PRNP: variants seen among roughly 807,000 people sequenced by gnomAD.
PRNP encodes major prion protein.
PRNP carries 15 observed loss-of-function variants against 21.3 expected under a neutral mutation model. The observed-to-expected ratio is 0.71, with a 90% CI of 0.47 to 1.09. The LOEUF (loss-of-function observed/expected upper bound fraction) is 1.09. Among genes scored for constraint, PRNP ranks in the 50% least tolerant of loss-of-function variants. The pLI is 0.00. For synonymous variants in PRNP, 121 were observed against 123.1 expected, an observed-to-expected ratio of 0.98 and a Z score of 0.11; for missense variants, 285 against 340.9, an observed-to-expected ratio of 0.84 and a Z score of 1.29.
At chr20:4,692,923 C>T (rs1921923455) in intron 1 of PRNP, among the ~76,000 whole-genome samples, 1 of 152,180 alleles carries the variant, frequency 6.6e-6, no homozygotes. Context: ...CTAAACACTA[C>T]ATCTCAGGTG....
At chr20:4,698,171 G>A (rs1922291177) in intron 1 of PRNP, among the ~76,000 whole-genome samples, 1 of 152,080 alleles carries the variant, frequency 6.6e-6, no homozygotes, top group Non-Finnish European at 1.5e-5. Flanking sequence ...CCACCTAAAA[G>A]AGCCTCCAAA....
At chr20:4,696,411 C>A (rs1922171180) in intron 1 of PRNP, among the ~76,000 whole-genome samples, 1 of 152,174 alleles carries the variant, frequency 6.6e-6, no homozygotes, top group Non-Finnish European at 1.5e-5. Context: ...TCTGTATTTT[C>A]TTCTGGTCAG....
In PRNP at chr20:4,699,585, T is replaced by G. The variant is rs752571244; in HGVS notation, c.365T>G (p.Val122Gly). The stretch of plus-strand genomic sequence containing the variant: ...GGTGCTGCAGCAGCTGGGGCAGTGG[T>G]GGGGGGCCTTGGCGGCTACATGCTG... ...MAGAAAAGAV[V>G]GGLGGYMLGS... Residue 122 changes from valine to glycine, a missense_variant, in exon 2 of 2, where the codon GTG becomes GGG. By Grantham distance (109) the Val-to-Gly change is moderately radical. Transcript: ENST00000379440. This position sits in a 1 kb window ranked among gnomAD's most constrained non-coding sequence, Gnocchi z 5.8. 5.0e-6 allele frequency: 8 copies of G among 1,613,152 alleles called. No homozygotes were observed. The East Asian group carries it at 6.7e-5, about 13-fold the overall frequency.
At chr20:4,693,410 A>G (rs1425731071) in intron 1 of PRNP, among the ~76,000 whole-genome samples, 1 of 152,114 alleles carries the variant, frequency 6.6e-6, no homozygotes, top group East Asian at 1.9e-4. Context: ...GGCTCAAGCA[A>G]TCCTCCTGCC....
chr20:4,688,709 C>G lies in PRNP; in HGVS notation c.-11+2197C>G, dbSNP rs79688959. ...ACCACTAAAAATCATGATTTTGGAGCCTGTGATATGTGGGGAAAAACTGAC... is the reference window on the plus strand; with the variant it reads ...ACCACTAAAAATCATGATTTTGGAGGCTGTGATATGTGGGGAAAAACTGAC... On this transcript the variant is annotated intron_variant, in intron 1 of 1. Coordinates refer to ENST00000379440, the MANE Select transcript of PRNP (RefSeq NM_000311.5). Among the ~76,000 whole-genome samples the G allele has an allele frequency of 6.6e-4, 100 of 152,200 alleles. No homozygotes were observed. The East Asian group carries it at 0.013, about 20-fold the overall frequency.
intron 1 of PRNP, among the ~76,000 whole-genome samples, chr20:4,687,036 G>A (rs1921491101): frequency 6.6e-6 from 1 of 152,000 alleles, no homozygotes; most frequent in African/African-American, 2.4e-5. Context: ...CTTCCGCGAT[G>A]CCCAGAGGGT....
chr20:4,688,032 G>A (rs1354864982), intron 1 of PRNP, among the ~76,000 whole-genome samples: 1 of 152,014 alleles, frequency 6.6e-6, no homozygotes, highest in African/African-American at 2.4e-5. Context: ...ACCAGTAAGG[G>A]GAAAAGCAGG....
intron 1 of PRNP, among the ~76,000 whole-genome samples, chr20:4,695,644 G>A (rs1042807951): frequency 3.3e-5 from 5 of 152,228 alleles, no homozygotes; most frequent in Middle Eastern, 3.4e-3. Context: ...TTGCTGAGTC[G>A]AATGATATTT....
At chr20:4,694,390 A>G (rs1786622508) in intron 1 of PRNP, among the ~76,000 whole-genome samples, 1 of 152,182 alleles carries the variant, frequency 6.6e-6, no homozygotes, top group Non-Finnish European at 1.5e-5. Context: ...TATTCCATAA[A>G]TATTTCTTAA....
At chr20:4,696,351 T>A (rs1358909486) in intron 1 of PRNP, among the ~76,000 whole-genome samples, 2 of 152,224 alleles carry the variant, frequency 1.3e-5, no homozygotes, top group Non-Finnish European at 2.9e-5. Flanking sequence ...AGTCTTTTCT[T>A]AGTTAAGTCA....
rs150351644 is a variant in PRNP at position 4,699,644 on chromosome 20, G to T, written c.424G>T (p.Gly142Cys). 6.2e-7 allele frequency: 1 copy of T among 1,614,046 alleles called. No individual in the cohort carries two copies. Among genetic ancestry groups the T allele is most frequent in the South Asian group, 1.1e-5 (1 of 91,068 alleles). Reference protein sequence around the residue: ...SAMSRPIIHFGSDYEDRYYRE... With the variant: ...SAMSRPIIHFCSDYEDRYYRE... ...CATGAGCAGGCCCATCATACATTTC[G>T]GCAGTGACTATGAGGACCGTTACTA... The change falls in exon 2 of 2, where the codon GGC becomes TGC. Residue 142 changes from glycine (G) to cysteine (C), a missense_variant. Physicochemically the swap from Gly to Cys is radical, Grantham distance 159. Coordinates refer to ENST00000379440, the MANE Select transcript of PRNP (RefSeq NM_000311.5). The surrounding 1 kb of genome is among the most constrained non-coding windows in gnomAD (Gnocchi z 5.8).
chr20:4,699,069 G>A lies in PRNP; in HGVS notation c.-10-142G>A. ...TTTCTTACTTTTGCTTTTGTCCTAA[G>A]TGCTTCAGAGAAGTACAGGGTGGCA... On this transcript the variant is annotated intron_variant, in intron 1 of 1. Transcript: ENST00000379440. The surrounding 1 kb of genome is among the most constrained non-coding windows in gnomAD (Gnocchi z 5.8). 1.0e-6 allele frequency: 1 copy of A among 994,254 alleles called. No homozygotes were observed. Among genetic ancestry groups the A allele is most frequent in the Non-Finnish European group, 1.5e-6 (1 of 645,902 alleles). The allele number at this position is 994,254 out of a possible 1,614,324, so 61.6% of individuals were successfully genotyped here.
rs912549202 is a variant in PRNP, at chr20:4,686,749, C to A, written c.-11+237C>A. On this transcript the variant is annotated intron_variant, in intron 1 of 1. Transcript: ENST00000379440. This position sits in a 1 kb window ranked among gnomAD's most constrained non-coding sequence, Gnocchi z 6.7. ...CTTCGCTTTTCAGGTTAGGAAAGCT[C>A]CCTTTACTGCGCGTTGGGGGGCTGG... 2 of 152,128 alleles carry A rather than the reference C, an allele frequency of 1.3e-5. No homozygotes were observed. Among genetic ancestry groups the A allele is most frequent in the Admixed American group, 1.3e-4 (2 of 15,240 alleles). The allele number at this position is 152,128 out of a possible 1,614,324, so 9.4% of individuals were successfully genotyped here.
rs74315409 is a variant in PRNP, at chr20:4,699,915, T to G, written c.695T>G (p.Met232Arg). 1.1e-4 allele frequency: 185 copies of G among 1,613,938 alleles called. 1 individual carries two copies. In the East Asian group the frequency reaches 4.1e-3, roughly 36 times the overall value. Residue 232 changes from methionine (M) to arginine (R), a missense_variant, in exon 2 of 2, where the codon ATG (methionine) becomes AGG (arginine). Met to Arg is a moderately conservative substitution (Grantham distance 91, BLOSUM62 -1). Coordinates refer to ENST00000379440, the MANE Select transcript of PRNP (RefSeq NM_000311.5). The surrounding 1 kb of genome is among the most constrained non-coding windows in gnomAD (Gnocchi z 5.8). ...GCCTATTACCAGAGAGGATCGAGCA[T>G]GGTCCTCTTCTCCTCTCCACCTGTG... ...SQAYYQRGSS[M>R]VLFSSPPVIL... is the part of the protein sequence containing the mutation.
intron 1 of PRNP, among the ~76,000 whole-genome samples, chr20:4,696,692 T>C (rs1335290177): frequency 6.6e-6 from 1 of 152,222 alleles, no homozygotes; most frequent in Non-Finnish European, 1.5e-5. Context: ...TTAGCATTCT[T>C]CTTAGTAATA....
In PRNP at chr20:4,701,116, T is replaced by A. The variant is rs979478397; in HGVS notation, c.*1134T>A. On this transcript the variant is annotated 3_prime_UTR_variant, in exon 2 of 2. Coordinates refer to ENST00000379440, the MANE Select transcript of PRNP (RefSeq NM_000311.5). The surrounding 1 kb of genome is among the most constrained non-coding windows in gnomAD (Gnocchi z 4.2). ...TTGGAGATGACAGAAATATGATTGA[T>A]TTGAAGTGGAAAAAGAAATTCTGTT... 1.2e-5 allele frequency: 2 copies of A among 166,074 alleles called. No homozygotes were observed. The highest frequency in any genetic ancestry group is 3.9e-4 in the East Asian group (2 of 5,194). 10.3% of individuals were successfully genotyped at this position (166,074 alleles called of 1,614,324 possible).
At chr20:4,688,309 A>T (rs1921606072) in intron 1 of PRNP, among the ~76,000 whole-genome samples, 1 of 152,178 alleles carries the variant, frequency 6.6e-6, no homozygotes, top group Non-Finnish European at 1.5e-5. Context: ...TGGGGTCACA[A>T]AGATGGTTCT....
intron 1 of PRNP, among the ~76,000 whole-genome samples, chr20:4,691,161 G>A (rs184822025): frequency 0.01 from 1,563 of 152,218 alleles, 12 homozygotes; most frequent in Middle Eastern, 0.017. Context: ...AATTCAAGGA[G>A]ACACAAATAG....
At chr20:4,695,715 C>A (rs1269858814) in intron 1 of PRNP, among the ~76,000 whole-genome samples, 2 of 152,146 alleles carry the variant, frequency 1.3e-5, no homozygotes, top group African/African-American at 2.4e-5. Flanking sequence ...ATGGTTTGTG[C>A]TTTTTGTTTA....
Sources: allele counts gnomAD v4.1 joint callset (sites outside exome capture counted in the v4.1 genomes callset), GRCh38; gene constraint gnomAD v4.1.1; non-coding constraint Gnocchi (gnomAD v3.1); transcripts MANE v1.5; gene names NCBI Gene and HGNC (gene_info 2026-07-23, HGNC 2026-07-21).